LDLRAD4: variants seen among roughly 807,000 people sequenced by gnomAD.
LDLRAD4 encodes the protein low-density lipoprotein receptor class A domain-containing protein 4.
In LDLRAD4, 5 loss-of-function variants were observed where a neutral mutation model predicts 17.0. The ratio of observed to expected loss-of-function variants is 0.29; its 90% CI spans 0.15 to 0.62. LDLRAD4 has a LOEUF of 0.62. Among genes scored for constraint, LDLRAD4 ranks in the 20% least tolerant of loss-of-function variants. LDLRAD4 has a pLI of 0.84. For synonymous variants in LDLRAD4, 168 were observed against 171.8 expected, an observed-to-expected ratio of 0.98 and a Z score of 0.17; for missense variants, 340 against 424.7, an observed-to-expected ratio of 0.80 and a Z score of 1.75.
intron 1 of LDLRAD4, among the ~76,000 whole-genome samples, chr18:13,380,677 A>G (rs1287091581): frequency 5.3e-5 from 8 of 152,262 alleles, no homozygotes; most frequent in Non-Finnish European, 1.2e-4. Flanking sequence ...GGATTTGTCA[A>G]GGTGACATTT....
At chr18:13,636,688 C>T (rs550971294) in intron 4 of LDLRAD4, among the ~76,000 whole-genome samples, 5 of 151,814 alleles carry the variant, frequency 3.3e-5, no homozygotes, top group African/African-American at 7.2e-5. Context: ...TTAGTAGAGA[C>T]GGTTTTTCAC....
intron 3 of LDLRAD4, among the ~76,000 whole-genome samples, chr18:13,619,003 C>G (rs1035444447): frequency 1.3e-4 from 20 of 152,246 alleles, no homozygotes; most frequent in Admixed American, 1.2e-3. Context: ...GCCAGTGCAG[C>G]CTTATCCTGT....
rs538436400 is a variant in LDLRAD4 at position 13,300,181 on chromosome 18, C to T, written c.-383+21993C>T. Among the ~76,000 whole-genome samples, 36 of 152,316 alleles carry T rather than the reference C, an allele frequency of 2.4e-4. No homozygotes were observed. The highest frequency in any genetic ancestry group is 7.5e-4 in the African/African-American group (31 of 41,566). The stretch of plus-strand genomic sequence containing the variant: ...CGGTTCCTGCTTGTCTCTGGAGAGC[C>T]GTGGTTCCAGGGCCAGCAGGTGCCT... On this transcript the variant is annotated intron_variant, in intron 1 of 5. Coordinates refer to ENST00000359446, the Ensembl canonical transcript of LDLRAD4. This position sits in a 1 kb window ranked among gnomAD's most constrained non-coding sequence, Gnocchi z 4.2.
At chr18:13,466,303 T>G (rs2092612824) in intron 3 of LDLRAD4, among the ~76,000 whole-genome samples, 1 of 151,756 alleles carries the variant, frequency 6.6e-6, no homozygotes. Context: ...AAAGCCTGTT[T>G]CTACAAAAAA....
chr18:13,458,134 G>A (rs1321243166), intron 3 of LDLRAD4, among the ~76,000 whole-genome samples: 1 of 152,118 alleles, frequency 6.6e-6, no homozygotes, highest in East Asian at 1.9e-4. Context: ...CCTGCAGAAC[G>A]CGCAGGGCCT....
At chr18:13,470,283 C>T (rs2146732317) in intron 3 of LDLRAD4, among the ~76,000 whole-genome samples, 1 of 152,206 alleles carries the variant, frequency 6.6e-6, no homozygotes, top group Non-Finnish European at 1.5e-5. Flanking sequence ...TAAGTGTTTC[C>T]TGCGTATTTT....
At chr18:13,620,618 G>A (rs2040536528) in intron 3 of LDLRAD4, among the ~76,000 whole-genome samples, 1 of 152,176 alleles carries the variant, frequency 6.6e-6, no homozygotes, top group Non-Finnish European at 1.5e-5. Flanking sequence ...TTGGGGTGGT[G>A]GTGTCAGAAA....
chr18:13,441,671 T>C (rs1200954048), intron 3 of LDLRAD4, among the ~76,000 whole-genome samples: 1 of 152,246 alleles, frequency 6.6e-6, no homozygotes, highest in Non-Finnish European at 1.5e-5. Context: ...TGATATTTGC[T>C]AAATTTCAGC....
intron 3 of LDLRAD4, 37 bp downstream of exon 4, chr18:13,438,421 T>A: frequency 6.3e-7 from 1 of 1,598,120 alleles, no homozygotes; most frequent in Non-Finnish European, 8.6e-7. Context: ...CACTGTCTGA[T>A]GTGGTTCTGA....
intron 3 of LDLRAD4, among the ~76,000 whole-genome samples, chr18:13,450,874 G>A (rs897043831): frequency 6.6e-6 from 1 of 152,192 alleles, no homozygotes; most frequent in Non-Finnish European, 1.5e-5. Context: ...TGTCATGGAA[G>A]CTTGCGGGGA....
intron 2 of LDLRAD4, among the ~76,000 whole-genome samples, chr18:13,416,369 T>G (rs1274803219): frequency 6.6e-6 from 1 of 152,234 alleles, no homozygotes; most frequent in Non-Finnish European, 1.5e-5. Context: ...AAACCCTGGC[T>G]TTTGTTTCCA....
chr18:13,298,556 T>C (rs1427241800), intron 1 of LDLRAD4, among the ~76,000 whole-genome samples: 1 of 144,918 alleles, frequency 6.9e-6, no homozygotes, highest in African/African-American at 2.6e-5. Context: ...GGAGCTGCTC[T>C]GGGCACGGTG....
At chr18:13,564,660 G>C (rs2094577532) in intron 3 of LDLRAD4, among the ~76,000 whole-genome samples, 3 of 151,094 alleles carry the variant, frequency 2.0e-5, no homozygotes, top group Non-Finnish European at 2.9e-5. Context: ...AGTGCGGCAG[G>C]TGAGGGTGCG....
intron 1 of LDLRAD4, among the ~76,000 whole-genome samples, chr18:13,287,915 A>G (rs1183432570): frequency 6.6e-6 from 1 of 152,222 alleles, no homozygotes; most frequent in East Asian, 1.9e-4. Flanking sequence ...TTAAGGCAAA[A>G]TGTACCTGCA....
intron 1 of LDLRAD4, chr18:13,362,289 G>A (rs561933834): frequency 2.6e-5 from 4 of 152,264 alleles, no homozygotes; most frequent in Non-Finnish European, 4.4e-5. Context: ...CAGCATGGGA[G>A]TGAAATTCGT....
intron 4 of LDLRAD4, among the ~76,000 whole-genome samples, chr18:13,623,945 G>T (rs1404686141): frequency 1.3e-5 from 2 of 152,184 alleles, no homozygotes; most frequent in Admixed American, 1.3e-4. Flanking sequence ...CTCAGCTCAG[G>T]AGTCTCGATC....
intron 1 of LDLRAD4, among the ~76,000 whole-genome samples, chr18:13,265,887 C>T (rs545832350): frequency 6.6e-6 from 1 of 152,268 alleles, no homozygotes; most frequent in Admixed American, 6.5e-5. Context: ...AGGTCTTTGC[C>T]CTCCCCTGGG....
chr18:13,334,040 C>A (rs1198192169), intron 1 of LDLRAD4, among the ~76,000 whole-genome samples: 1 of 152,178 alleles, frequency 6.6e-6, no homozygotes, highest in Non-Finnish European at 1.5e-5. Flanking sequence ...TGGACATGGA[C>A]CATCTGTCCA....
intron 3 of LDLRAD4, 133 bp from the exon 5 acceptor site, chr18:13,620,984 T>A (rs930778988): frequency 7.8e-7 from 1 of 1,274,242 alleles, no homozygotes. Flanking sequence ...CGTTTCTGTG[T>A]CCTGCTGGCC....
Sources: gnomAD v4.1 joint callset for allele counts (sites outside exome capture counted in the v4.1 genomes callset) on GRCh38, gnomAD v4.1.1 for gene constraint, Gnocchi (gnomAD v3.1) non-coding constraint, MANE v1.5 for transcripts, NCBI Gene and HGNC (gene_info 2026-07-23, HGNC 2026-07-21) for gene names.